Variants in OSBPL5 observed in about 807,000 individuals in gnomAD.
The protein encoded by OSBPL5 is oxysterol binding protein like 5.
Under a neutral mutation model 111.2 loss-of-function variants are expected in OSBPL5, and 71 were observed. The observed-to-expected ratio is 0.64, with a 90% confidence interval of 0.53 to 0.78. The LOEUF (loss-of-function observed/expected upper bound fraction) is 0.78, where lower values mean the gene tolerates loss of function less well. OSBPL5 is among the 30% of genes least tolerant of loss of function. The pLI is 0.00. For missense variants in OSBPL5, 1,210 were observed against 1,189.3 expected (o/e 1.02, Z -0.26); for synonymous variants, 549 against 513.9 (o/e 1.07, Z -0.93).
rs1858070562 is a variant in OSBPL5 at position 3,113,239 on chromosome 11, A to T, written c.692-5294T>A. Among the ~76,000 whole-genome samples, 1 of 152,232 alleles carries T rather than the reference A, an allele frequency of 6.6e-6. No homozygotes were observed. Among genetic ancestry groups the T allele is most frequent in the Admixed American group, 6.5e-5 (1 of 15,280 alleles). On this transcript the variant is annotated intron_variant, in intron 7 of 21. Coordinates refer to ENST00000263650, the MANE Select transcript of OSBPL5 (RefSeq NM_020896.4). This position sits in a 1 kb window ranked among gnomAD's most constrained non-coding sequence, Gnocchi z 4.8. ...AAGTAATATTAGAAATGTCTTAAGA[A>T]TTGCCAGCATATATTTTTGTTTGCA...
intron 7 of OSBPL5, among the ~76,000 whole-genome samples, chr11:3,118,086 G>C (rs1366050938): frequency 6.6e-6 from 1 of 152,188 alleles, no homozygotes; most frequent in Non-Finnish European, 1.5e-5. Context: ...CTAGCCATGA[G>C]AGATCAGGTG....
Position 3,104,082 on chromosome 11 carries a change from C to T in OSBPL5, c.1244+111G>A. 7.8e-7 allele frequency: 1 copy of T among 1,287,868 alleles called. No individual in the cohort carries two copies. Among genetic ancestry groups the T allele is most frequent in the South Asian group, 1.4e-5 (1 of 70,104 alleles). 79.8% of individuals were successfully genotyped at this position (1,287,868 alleles called of 1,614,324 possible). On this transcript the variant is annotated intron_variant, in intron 10 of 21. Coordinates refer to ENST00000263650, the MANE Select transcript of OSBPL5 (RefSeq NM_020896.4). The surrounding 1 kb of genome is among the most constrained non-coding windows in gnomAD (Gnocchi z 5.0). ...TGCAGAAACAGTGGGCTGAGATCAG[C>T]CATGGGATTCTCTGGAAGCCCCCAC...
At chr11:3,099,408 T>A (rs960701047) in intron 14 of OSBPL5, among the ~76,000 whole-genome samples, 5 of 152,182 alleles carry the variant, frequency 3.3e-5, no homozygotes, top group African/African-American at 1.2e-4. Context: ...GAGTATTGGC[T>A]CATCGATGAT....
Position 3,092,740 on chromosome 11 carries a change from TC to T in OSBPL5, c.2132+126del. Reference sequence around the variant, plus strand: ...GATGGGGGGTGTCACTATCTGACCCTCCCCCACCGACTCCTCCAGGGGACAG... The same window carrying T: ...GATGGGGGGTGTCACTATCTGACCCTCCCCACCGACTCCTCCAGGGGACAG... On this transcript the variant is annotated intron_variant, in intron 18 of 21. Transcript: ENST00000263650. The surrounding 1 kb of genome is among the most constrained non-coding windows in gnomAD (Gnocchi z 5.4). The T allele has an allele frequency of 1.5e-6, 2 of 1,347,452 alleles. No homozygotes were observed. The highest frequency in any genetic ancestry group is 2.0e-6 in the Non-Finnish European group (2 of 1,008,488). The allele number at this position is 1,347,452 out of a possible 1,614,324, so 83.5% of individuals were successfully genotyped here.
In OSBPL5 at chr11:3,113,560, C is replaced by T. The variant is rs1292733911; in HGVS notation, c.692-5615G>A. ...ATCCCAGCTACTCGTGAGGCTGAGG[C>T]AGGAGAATTGCTTGACCTGGGAGGC... On this transcript the variant is annotated intron_variant, in intron 7 of 21. Transcript: ENST00000263650. The surrounding 1 kb of genome is among the most constrained non-coding windows in gnomAD (Gnocchi z 4.8). 1.3e-5 allele frequency among the ~76,000 whole-genome samples: 2 copies of T among 151,876 alleles called. No individual in the cohort carries two copies. Among genetic ancestry groups the T allele is most frequent in the African/African-American group, 2.4e-5 (1 of 41,302 alleles).
chr11:3,095,945 A>C (rs937570511), intron 14 of OSBPL5, among the ~76,000 whole-genome samples: 1 of 152,140 alleles, frequency 6.6e-6, no homozygotes, highest in Admixed American at 6.5e-5. Flanking sequence ...AACCCCCATT[A>C]AGCGTCGTGT....
Position 3,105,136 on chromosome 11 carries a change from C to A in OSBPL5, c.1060-759G>T, listed in dbSNP as rs1857649596. ...AGGGAACGGGGACCCTGGTCCTCCC[C>A]CTCCACAGAGGGGACAAGTGACTTG... On this transcript the variant is annotated intron_variant, in intron 9 of 21. Coordinates refer to ENST00000263650, the MANE Select transcript of OSBPL5 (RefSeq NM_020896.4). This position sits in a 1 kb window ranked among gnomAD's most constrained non-coding sequence, Gnocchi z 5.2. 6.6e-6 allele frequency among the ~76,000 whole-genome samples: 1 copy of A among 152,208 alleles called. No individual in the cohort carries two copies. The highest frequency in any genetic ancestry group is 2.4e-5 in the African/African-American group (1 of 41,456).
At chr11:3,096,365 T>C (rs1857253021) in intron 14 of OSBPL5, among the ~76,000 whole-genome samples, 1 of 152,138 alleles carries the variant, frequency 6.6e-6, no homozygotes, top group South Asian at 2.1e-4. Context: ...ACGCCTGTAA[T>C]CCCAGCACTT....
intron 7 of OSBPL5, among the ~76,000 whole-genome samples, chr11:3,111,798 T>A (rs913287826): frequency 3.3e-5 from 5 of 152,228 alleles, no homozygotes; most frequent in Admixed American, 1.3e-4. Flanking sequence ...CAAGGCCACA[T>A]TTTCACTAGC....
In OSBPL5 at chr11:3,107,173, C is replaced by T; in HGVS notation, c.1059+90G>A. 6.9e-7 allele frequency: 1 copy of T among 1,449,670 alleles called. No individual in the cohort carries two copies. Among genetic ancestry groups the T allele is most frequent in the Non-Finnish European group, 9.3e-7 (1 of 1,074,304 alleles). 89.8% of individuals were successfully genotyped at this position (1,449,670 alleles called of 1,614,324 possible). On this transcript the variant is annotated intron_variant, in intron 9 of 21. Transcript: ENST00000263650. This position sits in a 1 kb window ranked among gnomAD's most constrained non-coding sequence, Gnocchi z 6.1. ...GCTACCCCCTGGGCCCTGCGTGCTCCCCCTAGGATGAGGCATGGCTACCTC... is the reference window on the plus strand; with the variant it reads ...GCTACCCCCTGGGCCCTGCGTGCTCTCCCTAGGATGAGGCATGGCTACCTC...
At chr11:3,148,083 G>A (rs1486169421) in intron 1 of OSBPL5, among the ~76,000 whole-genome samples, 1 of 152,202 alleles carries the variant, frequency 6.6e-6, no homozygotes, top group Admixed American at 6.5e-5. Flanking sequence ...AGCTCTCCCT[G>A]CACCCCCAGT....
chr11:3,125,851 G>T (rs144876937), intron 3 of OSBPL5, among the ~76,000 whole-genome samples: 7 of 151,510 alleles, frequency 4.6e-5, no homozygotes, highest in African/African-American at 1.7e-4. Context: ...CCGTGGTGGC[G>T]GGCACCTGTA....
At chr11:3,160,846 G>C (rs1051909787) in intron 1 of OSBPL5, 3 of 152,206 alleles carry the variant, frequency 2.0e-5, no homozygotes, top group Non-Finnish European at 4.4e-5. Context: ...ACGGGCGACA[G>C]AGCTCCCTCT....
In OSBPL5 at chr11:3,141,736, C is replaced by G. The variant is rs566273213; in HGVS notation, c.-21-12567G>C. Among the ~76,000 whole-genome samples, 86 of 152,272 alleles carry G rather than the reference C, an allele frequency of 5.6e-4. 1 individual carries two copies. Among genetic ancestry groups the G allele is most frequent in the South Asian group, 2.7e-3 (13 of 4,818 alleles). Reference sequence around the variant, plus strand: ...GCCTACGCCACCCTTGCATGTGTGTCCTCCCCTGGGCACAGGATGCTAAAT... The same window carrying G: ...GCCTACGCCACCCTTGCATGTGTGTGCTCCCCTGGGCACAGGATGCTAAAT... On this transcript the variant is annotated intron_variant, in intron 1 of 21. Coordinates refer to ENST00000263650, the MANE Select transcript of OSBPL5 (RefSeq NM_020896.4). This position sits in a 1 kb window ranked among gnomAD's most constrained non-coding sequence, Gnocchi z 6.5.
chr11:3,129,987 C>T (rs1400919043), intron 1 of OSBPL5, among the ~76,000 whole-genome samples: 2 of 152,344 alleles, frequency 1.3e-5, no homozygotes, highest in East Asian at 3.9e-4. Flanking sequence ...CTTGTTTCCT[C>T]CCCTGGAAGG....
chr11:3,090,407 G>A (rs113975961), intron 20 of OSBPL5, 151 bp downstream of exon 20: 36,255 of 1,063,990 alleles, frequency 0.034, 750 homozygotes, highest in Middle Eastern at 0.062. Flanking sequence ...GGCAGAGCCT[G>A]CTGGGGGGCC....
intron 19 of OSBPL5, among the ~76,000 whole-genome samples, chr11:3,091,161 C>T (rs375181976): frequency 6.6e-6 from 1 of 152,258 alleles, no homozygotes; most frequent in Non-Finnish European, 1.5e-5. Flanking sequence ...GGGGAACCCC[C>T]ACACTCAGCC....
rs999124621 is a variant in OSBPL5, at chr11:3,140,086, A to G, written c.-21-10917T>C. Among the ~76,000 whole-genome samples the G allele has an allele frequency of 6.6e-6, 1 of 152,218 alleles. No individual in the cohort carries two copies. Among genetic ancestry groups the G allele is most frequent in the African/African-American group, 2.4e-5 (1 of 41,454 alleles). ...GAGGGGGGTGTGCAGTGGTCCGCCA[A>G]GCAGCACCTCTGCCAAGGAGCTCCC... is the stretch of plus-strand genomic sequence containing the variant. On this transcript the variant is annotated intron_variant, in intron 1 of 21. Coordinates refer to ENST00000263650, the MANE Select transcript of OSBPL5 (RefSeq NM_020896.4). The surrounding 1 kb of genome is among the most constrained non-coding windows in gnomAD (Gnocchi z 4.5).
chr11:3,139,171 C>G (rs1469231410), intron 1 of OSBPL5, among the ~76,000 whole-genome samples: 1 of 152,218 alleles, frequency 6.6e-6, no homozygotes, highest in Non-Finnish European at 1.5e-5. Flanking sequence ...TCAGGGGACC[C>G]TGGGGTGACC....
Sources: gnomAD v4.1 joint callset for allele counts (sites outside exome capture counted in the v4.1 genomes callset) on GRCh38, gnomAD v4.1.1 for gene constraint, Gnocchi (gnomAD v3.1) non-coding constraint, MANE v1.5 for transcripts, NCBI Gene and HGNC (gene_info 2026-07-23, HGNC 2026-07-21) for gene names.